The following SUGCT variants were observed in gnomAD, a reference collection of about 807,000 sequenced individuals.
SUGCT encodes the protein succinyl-CoA:glutarate CoA-transferase.
Under a neutral mutation model 55.0 loss-of-function variants are expected in SUGCT, and 41 were observed. The ratio of observed to expected loss-of-function variants is 0.74; its 90% CI spans 0.58 to 0.97. The LOEUF (loss-of-function observed/expected upper bound fraction) is 0.97. SUGCT is among the 50% of genes least tolerant of loss of function. The pLI, the probability that SUGCT is intolerant of heterozygous loss-of-function variation, is 0.00. For missense variants in SUGCT, 568 were observed against 547.8 expected (o/e 1.04, Z -0.37); for synonymous variants, 187 against 200.4 (o/e 0.93, Z 0.56).
chr7:40,854,582 T>C (rs1190088972), intron 13 of SUGCT, among the ~76,000 whole-genome samples: 2 of 151,978 alleles, frequency 1.3e-5, no homozygotes, highest in African/African-American at 2.4e-5. Context: ...TTTGAGAGTT[T>C]GCAAATAACT....
chr7:40,716,639 A>G (rs1786040433), intron 12 of SUGCT, among the ~76,000 whole-genome samples: 1 of 152,098 alleles, frequency 6.6e-6, no homozygotes, highest in South Asian at 2.1e-4. Flanking sequence ...TACTTTTATT[A>G]AATATTTCAA....
At chr7:40,146,178 A>T (rs539436093) in intron 1 of SUGCT, among the ~76,000 whole-genome samples, 1 of 149,332 alleles carries the variant, frequency 6.7e-6, no homozygotes, top group African/African-American at 2.5e-5. Flanking sequence ...TTATTTTTCT[A>T]CTTTCTTCTG....
At chr7:40,521,825 T>C (rs1470728941) in intron 12 of SUGCT, among the ~76,000 whole-genome samples, 1 of 152,154 alleles carries the variant, frequency 6.6e-6, no homozygotes, top group African/African-American at 2.4e-5. Flanking sequence ...TCATTTGCGC[T>C]AATAATAGTT....
intron 13 of SUGCT, among the ~76,000 whole-genome samples, chr7:40,819,173 G>A (rs1791844097): frequency 1.3e-5 from 2 of 152,000 alleles, no homozygotes; most frequent in African/African-American, 4.8e-5. Context: ...CATTTGGGTT[G>A]GTTCCATTGG....
intron 12 of SUGCT, among the ~76,000 whole-genome samples, chr7:40,630,883 G>A (rs1458763536): frequency 1.3e-5 from 2 of 151,078 alleles, no homozygotes; most frequent in African/African-American, 2.4e-5. Context: ...ACCCACACAC[G>A]GGGTCGGGGG....
At chr7:40,681,079 A>G (rs895919323) in intron 12 of SUGCT, among the ~76,000 whole-genome samples, 19 of 152,192 alleles carry the variant, frequency 1.2e-4, no homozygotes, top group African/African-American at 4.1e-4. Flanking sequence ...CGTGAAATAT[A>G]TAGGACATTT....
intron 9 of SUGCT, among the ~76,000 whole-genome samples, chr7:40,324,261 A>ATATATATATATATTTATTTATTTATT (rs377215730): frequency 7.0e-5 from 7 of 99,980 alleles, no homozygotes; most frequent in Non-Finnish European, 1.2e-4. Context: ...AAATATATAT[A>ATATATATATATATTTATTTATTTATT]TATTTATTTT....
At chr7:40,476,161 G>A (rs1380287465) in intron 11 of SUGCT, among the ~76,000 whole-genome samples, 1 of 152,088 alleles carries the variant, frequency 6.6e-6, no homozygotes, top group Admixed American at 6.5e-5. Context: ...GGAATTAAAT[G>A]TCTATGTCTA....
rs189981068 is a variant in SUGCT at position 40,519,063 on chromosome 7, T to C, written c.1089+22677T>C. 3.0e-3 allele frequency among the ~76,000 whole-genome samples: 455 copies of C among 152,190 alleles called. 1 individual carries two copies. The highest frequency in any genetic ancestry group is 0.01 in the Middle Eastern group (3 of 294). ...CAATATCATGTATTCCTGGATATAA[T>C]TTGCAACAAAGGGCACACCACTTTT... is the stretch of plus-strand genomic sequence containing the variant. On this transcript the variant is annotated intron_variant, in intron 12 of 13. Transcript: ENST00000335693.
At chr7:40,319,747 G>A (rs571036176) in intron 9 of SUGCT, among the ~76,000 whole-genome samples, 3 of 152,242 alleles carry the variant, frequency 2.0e-5, no homozygotes, top group South Asian at 4.1e-4. Context: ...TTAGACAAAC[G>A]TAGACAGAGC....
At chr7:40,440,357 G>A (rs1303739072) in intron 9 of SUGCT, among the ~76,000 whole-genome samples, 5 of 151,336 alleles carry the variant, frequency 3.3e-5, no homozygotes, top group Admixed American at 2.0e-4. Flanking sequence ...ACGGGGTTTC[G>A]CTAATGTTGG....
chr7:40,918,063 G>A, the SUGCT span, among the ~76,000 whole-genome samples: 1 of 152,154 alleles, frequency 6.6e-6, no homozygotes, highest in Non-Finnish European at 1.5e-5. Flanking sequence ...ACATGGAGAG[G>A]TGGGAAATGT....
chr7:40,641,512 T>C (rs964869325), intron 12 of SUGCT, among the ~76,000 whole-genome samples: 1 of 152,184 alleles, frequency 6.6e-6, no homozygotes, highest in African/African-American at 2.4e-5. Flanking sequence ...GAATCCAACT[T>C]AAGTATGGCT....
At chr7:40,642,411 A>T (rs771144828) in intron 12 of SUGCT, among the ~76,000 whole-genome samples, 4 of 152,154 alleles carry the variant, frequency 2.6e-5, no homozygotes, top group Non-Finnish European at 5.9e-5. Context: ...TCTCTGTATG[A>T]TTGTGGGTGT....
intron 13 of SUGCT, among the ~76,000 whole-genome samples, chr7:40,853,569 C>T (rs185208965): frequency 2.0e-5 from 3 of 152,148 alleles, no homozygotes; most frequent in Non-Finnish European, 2.9e-5. Flanking sequence ...TTTACCATGT[C>T]GCCCAGGCTG....
At chr7:40,307,027 G>A (rs1794883325) in intron 8 of SUGCT, among the ~76,000 whole-genome samples, 1 of 152,154 alleles carries the variant, frequency 6.6e-6, no homozygotes, top group African/African-American at 2.4e-5. Context: ...ACATCAGTAT[G>A]ATTTGACTGC....
intron 12 of SUGCT, among the ~76,000 whole-genome samples, chr7:40,708,293 C>G (rs975296297): frequency 1.3e-5 from 2 of 152,080 alleles, no homozygotes; most frequent in Non-Finnish European, 2.9e-5. Flanking sequence ...GCCCTTCATT[C>G]CAGGTTGTGA....
chr7:40,408,651 C>A (rs900181859), intron 9 of SUGCT, among the ~76,000 whole-genome samples: 1 of 152,016 alleles, frequency 6.6e-6, no homozygotes, highest in African/African-American at 2.4e-5. Context: ...CCATTGAACC[C>A]ATACTATTAA....
the SUGCT span, among the ~76,000 whole-genome samples, chr7:40,920,413 C>T: frequency 6.6e-6 from 1 of 152,322 alleles, no homozygotes; most frequent in Admixed American, 6.5e-5. Flanking sequence ...TATCTGCTAT[C>T]ACCTGACCTG....
Sources: gnomAD v4.1 joint callset for allele counts (sites outside exome capture counted in the v4.1 genomes callset) on GRCh38, gnomAD v4.1.1 for gene constraint, MANE v1.5 for transcripts, NCBI Gene and HGNC (gene_info 2026-07-23, HGNC 2026-07-21) for gene names.